DZANK1: variants seen among roughly 807,000 people sequenced by gnomAD.
The protein encoded by DZANK1 is double zinc ribbon and ankyrin repeat-containing protein 1.
In DZANK1, 91 loss-of-function variants were observed where a neutral mutation model predicts 94.5. The ratio of observed to expected loss-of-function variants is 0.96; its 90% CI spans 0.81 to 1.15. The LOEUF is 1.15. DZANK1 is among the 50% of genes most tolerant of loss of function. DZANK1 has a pLI of 0.00. For missense variants in DZANK1, 903 were observed against 916.4 expected, an observed-to-expected ratio of 0.99 and a Z score of 0.19; for synonymous variants, 312 against 325.3, an observed-to-expected ratio of 0.96 and a Z score of 0.44.
At chr20:18,448,637 G>C (rs1045579847) in intron 7 of DZANK1, among the ~76,000 whole-genome samples, 4 of 152,086 alleles carry the variant, frequency 2.6e-5, no homozygotes, top group African/African-American at 9.7e-5. Flanking sequence ...GGGAGACCGA[G>C]GTGGGCAGAT....
chr20:18,433,539 C>T (rs1403546686), intron 9 of DZANK1, 113 bp downstream of exon 9: 1 of 863,556 alleles, frequency 1.2e-6, no homozygotes, highest in Admixed American at 2.5e-5. Flanking sequence ...AAGATTCTGT[C>T]TCAAAAAAAA....
chr20:18,413,452 G>A (rs2057350285), intron 12 of DZANK1, among the ~76,000 whole-genome samples: 2 of 152,184 alleles, frequency 1.3e-5, no homozygotes, highest in Admixed American at 1.3e-4. Context: ...AGGGCTAGTG[G>A]CAGTTTAGGA....
chr20:18,430,155 A>G (rs927089001), intron 9 of DZANK1, among the ~76,000 whole-genome samples: 8 of 152,240 alleles, frequency 5.3e-5, no homozygotes, highest in Non-Finnish European at 1.0e-4. Flanking sequence ...ACAATTAAAA[A>G]GGAAGAATAT....
chr20:18,434,766 G>A (rs1345983209), intron 8 of DZANK1, among the ~76,000 whole-genome samples: 1 of 152,090 alleles, frequency 6.6e-6, no homozygotes, highest in East Asian at 1.9e-4. Context: ...GGCAGGGCAG[G>A]CTGTGAAAAC....
chr20:18,392,475 A>C (rs1035791484), intron 17 of DZANK1, among the ~76,000 whole-genome samples: 1 of 152,308 alleles, frequency 6.6e-6, no homozygotes, highest in African/African-American at 2.4e-5. Flanking sequence ...GGAACCACAC[A>C]TGGAGGGAAG....
At chr20:18,392,510 G>C (rs537470125) in intron 17 of DZANK1, among the ~76,000 whole-genome samples, 1 of 152,308 alleles carries the variant, frequency 6.6e-6, no homozygotes, top group Admixed American at 6.5e-5. Flanking sequence ...CAAGTGTCCA[G>C]CTCGGACCCG....
chr20:18,430,952 A>G (rs1457566214), intron 9 of DZANK1, among the ~76,000 whole-genome samples: 1 of 152,236 alleles, frequency 6.6e-6, no homozygotes, highest in Non-Finnish European at 1.5e-5. Context: ...ATCTAAATGT[A>G]TGAATATACA....
exon 13 of DZANK1, chr20:18,412,833 G>A: frequency 1.9e-6 from 3 of 1,613,822 alleles, no homozygotes; most frequent in Non-Finnish European, 2.5e-6. Flanking sequence ...GAATATTCAG[G>A]GACTGCCAGG....
chr20:18,405,338 C>T (rs1358944282), intron 13 of DZANK1, among the ~76,000 whole-genome samples: 1 of 151,802 alleles, frequency 6.6e-6, no homozygotes, highest in East Asian at 1.9e-4. Context: ...AGGCGCTCAA[C>T]AGTAAATGTG....
At chr20:18,463,684 T>C (rs1466542354) in intron 2 of DZANK1, among the ~76,000 whole-genome samples, 2 of 152,226 alleles carry the variant, frequency 1.3e-5, no homozygotes, top group African/African-American at 4.8e-5. Context: ...CTAAGAATTA[T>C]GGGCACATAC....
intron 13 of DZANK1, among the ~76,000 whole-genome samples, chr20:18,408,292 G>C (rs1375715847): frequency 6.6e-6 from 1 of 152,130 alleles, no homozygotes; most frequent in Non-Finnish European, 1.5e-5. Flanking sequence ...TTCCAACCTG[G>C]GGGACAGAGT....
chr20:18,433,330 T>A, intron 9 of DZANK1: 1 of 293,310 alleles, frequency 3.4e-6, no homozygotes, highest in Non-Finnish European at 6.5e-6. Flanking sequence ...TCACCTGAGG[T>A]CAGGAGTTTG....
At chr20:18,461,130 A>T (rs116932332) in intron 2 of DZANK1, among the ~76,000 whole-genome samples, 2,010 of 152,276 alleles carry the variant, frequency 0.013, 20 homozygotes, top group Non-Finnish European at 0.021. Flanking sequence ...GTCTCCCCCA[A>T]CCCACGACAC....
chr20:18,460,455 G>A (rs763270385), intron 2 of DZANK1, 149 bp from the exon 3 acceptor site: 30 of 659,724 alleles, frequency 4.5e-5, no homozygotes, highest in Non-Finnish European at 6.4e-5. Context: ...CTTAGGACAG[G>A]CATGTGGCTC....
intron 13 of DZANK1, among the ~76,000 whole-genome samples, chr20:18,401,504 C>A (rs2056679796): frequency 6.6e-6 from 1 of 152,218 alleles, no homozygotes; most frequent in African/African-American, 2.4e-5. Context: ...ATGGTCAATG[C>A]TCTGCAGGGA....
chr20:18,449,029 G>C (rs777415889), exon 7 of DZANK1: 1 of 1,613,924 alleles, frequency 6.2e-7, no homozygotes. Context: ...CTCCGTGCTT[G>C]TCAAACACTT....
chr20:18,466,406 T>C (rs1363839121), intron 1 of DZANK1, among the ~76,000 whole-genome samples: 2 of 152,150 alleles, frequency 1.3e-5, no homozygotes, highest in African/African-American at 4.8e-5. Context: ...ACAGACTGTA[T>C]TCTCAAAAAT....
At chr20:18,406,896 G>GAA (rs1433923334) in intron 13 of DZANK1, among the ~76,000 whole-genome samples, 1 of 152,206 alleles carries the variant, frequency 6.6e-6, no homozygotes, top group Non-Finnish European at 1.5e-5. Flanking sequence ...AGCAAACATT[G>GAA]GCAGTGGCCT....
rs2058245739 is a variant in DZANK1, at chr20:18,430,666, T to C, written c.861+2986A>G. Among the ~76,000 whole-genome samples the C allele has an allele frequency of 4.0e-5, 6 of 151,892 alleles. No individual in the cohort carries two copies. In the South Asian group the frequency reaches 1.2e-3, roughly 32 times the overall value. On this transcript the variant is annotated intron_variant, in intron 9 of 20. Transcript: ENST00000262547. ...CCCATCTCTACAAAAAATAGAAAAA[T>C]TAGCCTGGCGTGGTGGCATATGCCT...
Sources: gnomAD v4.1 joint callset for allele counts (sites outside exome capture counted in the v4.1 genomes callset) on GRCh38, gnomAD v4.1.1 for gene constraint, MANE v1.5 for transcripts, NCBI Gene and HGNC (gene_info 2026-07-23, HGNC 2026-07-21) for gene names.